The following CCDC171 variants were observed in gnomAD, a reference collection of about 807,000 sequenced individuals.
The protein encoded by CCDC171 is coiled-coil domain containing 171.
Under a neutral mutation model 168.2 loss-of-function variants are expected in CCDC171, and 177 were observed. The observed-to-expected ratio is 1.05, with a 90% CI of 0.93 to 1.19. CCDC171 has a LOEUF of 1.19. Ranked by LOEUF, CCDC171 falls within the 50% of genes most tolerant of loss-of-function variation. The pLI, the probability that CCDC171 is intolerant of heterozygous loss-of-function variation, is 0.00. For missense variants in CCDC171, 1,991 were observed against 1,539.0 expected, an observed-to-expected ratio of 1.29 and a Z score of -4.91; for synonymous variants, 687 against 540.8, an observed-to-expected ratio of 1.27 and a Z score of -3.75.
intron 7 of CCDC171, among the ~76,000 whole-genome samples, chr9:15,627,679 G>C (rs1384552437): frequency 1.3e-5 from 2 of 152,206 alleles, no homozygotes; most frequent in Non-Finnish European, 2.9e-5. Flanking sequence ...TGTGGTCTTA[G>C]AGACAGTTTG....
intron 11 of CCDC171, among the ~76,000 whole-genome samples, chr9:15,705,733 C>G (rs1043047220): frequency 6.6e-6 from 1 of 152,160 alleles, no homozygotes; most frequent in Non-Finnish European, 1.5e-5. Flanking sequence ...GTATATGGAA[C>G]ATTTATTATT....
intron 25 of CCDC171, among the ~76,000 whole-genome samples, chr9:15,950,354 A>G (rs1186439392): frequency 2.0e-5 from 3 of 152,162 alleles, no homozygotes; most frequent in East Asian, 1.9e-4. Flanking sequence ...GAAGGAAAAA[A>G]TGTTAAGGGC....
chr9:16,100,069 C>T, the CCDC171 span, among the ~76,000 whole-genome samples: 1 of 151,770 alleles, frequency 6.6e-6, no homozygotes, highest in Admixed American at 6.6e-5. Context: ...GTAATACCAG[C>T]AAAACCTGAG....
At chr9:15,718,306 G>A (rs1275478203) in intron 11 of CCDC171, among the ~76,000 whole-genome samples, 3 of 152,166 alleles carry the variant, frequency 2.0e-5, no homozygotes, top group African/African-American at 7.2e-5. Flanking sequence ...TTCAGCCTCA[G>A]TAGAATAGAG....
chr9:16,030,014 C>G (rs1056724471), intron 6 of CCDC171, among the ~76,000 whole-genome samples: 4 of 152,146 alleles, frequency 2.6e-5, no homozygotes, highest in African/African-American at 9.7e-5. Flanking sequence ...TTGATAGCAC[C>G]TTTTGTTTGT....
intron 21 of CCDC171, among the ~76,000 whole-genome samples, chr9:15,794,820 G>A (rs2135679912): frequency 6.6e-6 from 1 of 152,324 alleles, no homozygotes; most frequent in Non-Finnish European, 1.5e-5. Context: ...TAAACCCAAT[G>A]TAGTCGTGAT....
intron 14 of CCDC171, 47 bp from the exon 15 acceptor site, chr9:15,727,822 A>C (rs1248868271): frequency 6.8e-7 from 1 of 1,470,144 alleles, no homozygotes; most frequent in East Asian, 2.3e-5. Context: ...TTTACTTCTT[A>C]CAATGTTTAT....
At chr9:15,582,929 TAAA>T (rs556128674) in intron 4 of CCDC171, among the ~76,000 whole-genome samples, 1 of 131,850 alleles carries the variant, frequency 7.6e-6, no homozygotes. Context: ...CTTAAAGTAT[TAAA>T]AAAAAAAAAA....
In CCDC171 at chr9:15,762,593, G is replaced by A. The variant is rs574103203; in HGVS notation, c.2672-15007G>A. Among the ~76,000 whole-genome samples, 12 of 152,266 alleles carry A rather than the reference G, an allele frequency of 7.9e-5. 1 individual carries two copies. In the South Asian group the frequency reaches 2.5e-3, roughly 32 times the overall value. The stretch of plus-strand genomic sequence containing the variant: ...AGCTCTTAATAAAAAGGGATATCAA[G>A]TGATAGAATGAACAACATTCTCAGT... On this transcript the variant is annotated intron_variant, in intron 18 of 25. Transcript: ENST00000380701.
At chr9:16,049,519 T>C (rs1003672637) in intron 1 of CCDC171, among the ~76,000 whole-genome samples, 5 of 152,152 alleles carry the variant, frequency 3.3e-5, no homozygotes, top group African/African-American at 1.2e-4. Context: ...TCTCTGAAGC[T>C]GGCATGGGCT....
At chr9:16,071,245 A>G in the CCDC171 span, among the ~76,000 whole-genome samples, 1 of 152,058 alleles carries the variant, frequency 6.6e-6, no homozygotes, top group East Asian at 1.9e-4. Flanking sequence ...CTGCTAACCA[A>G]GACATCCCCT....
At position 15,705,288 on chromosome 9, in the gene CCDC171, C is replaced by G. The variant is rs531832740; in HGVS notation, c.1318+9951C>G. On this transcript the variant is annotated intron_variant, in intron 11 of 25. Coordinates refer to ENST00000380701, the MANE Select transcript of CCDC171 (RefSeq NM_173550.4). ...CTGTAAAGCTGGACGGAAACTACAACAACAAAAAACCTAAGTTAGAGTGTG... is the reference window on the plus strand; with the variant it reads ...CTGTAAAGCTGGACGGAAACTACAAGAACAAAAAACCTAAGTTAGAGTGTG... Among the ~76,000 whole-genome samples, 223 of 152,270 alleles carry G rather than the reference C, an allele frequency of 1.5e-3. 7 individuals are homozygous for G. In the South Asian group the frequency reaches 0.045, roughly 31 times the overall value.
At chr9:15,590,872 CTCTT>C (rs1239788400) in intron 4 of CCDC171, among the ~76,000 whole-genome samples, 4 of 96,484 alleles carry the variant, frequency 4.1e-5, no homozygotes, top group African/African-American at 1.6e-4. Context: ...CTTTCTTTCT[CTCTT>C]TCTTTTTCTT....
Position 15,647,734 on chromosome 9 carries a change from C to T in CCDC171, c.823-9393C>T, listed in dbSNP as rs144044345. 6.8e-3 allele frequency among the ~76,000 whole-genome samples: 1,036 copies of T among 152,226 alleles called. 7 individuals are homozygous for T. Among genetic ancestry groups the T allele is most frequent in the African/African-American group, 0.024 (1,003 of 41,532 alleles). On this transcript the variant is annotated intron_variant, in intron 7 of 25. Transcript: ENST00000380701. Reference sequence around the variant, plus strand: ...TCCCAAAATACACCAGTAACAGGCTCTGAAATTGAGGCAATAATCAATAGC... The same window carrying T: ...TCCCAAAATACACCAGTAACAGGCTTTGAAATTGAGGCAATAATCAATAGC...
chr9:15,706,381 C>T (rs1732065441), intron 11 of CCDC171, among the ~76,000 whole-genome samples: 1 of 152,066 alleles, frequency 6.6e-6, no homozygotes, highest in South Asian at 2.1e-4. Context: ...TCTCAACCTT[C>T]TGGGCTCAAG....
intron 11 of CCDC171, among the ~76,000 whole-genome samples, chr9:15,696,204 A>G (rs1247438235): frequency 3.3e-5 from 5 of 152,166 alleles, no homozygotes; most frequent in Admixed American, 2.6e-4. Flanking sequence ...TTTGGCAAAT[A>G]AGTTCTTTAG....
rs116642358 is a variant in CCDC171, at chr9:15,988,453, G to C, written n.369-32136G>C. Among the ~76,000 whole-genome samples the C allele has an allele frequency of 5.2e-3, 798 of 152,312 alleles. 5 individuals are homozygous for C. Among genetic ancestry groups the C allele is most frequent in the African/African-American group, 0.019 (782 of 41,574 alleles). On this transcript the variant is annotated intron_variant and non_coding_transcript_variant, in intron 3 of 9. Coordinates refer to the CCDC171 transcript ENST00000486641. Reference sequence around the variant, plus strand: ...TTTCATTTGGAAAAGGCAGTTCCAAGATGGCCGAATAGGAACAGCTCCAGT... The same window carrying C: ...TTTCATTTGGAAAAGGCAGTTCCAACATGGCCGAATAGGAACAGCTCCAGT...
chr9:15,789,459 G>T (rs564019084), intron 21 of CCDC171, among the ~76,000 whole-genome samples: 1 of 152,154 alleles, frequency 6.6e-6, no homozygotes, highest in Non-Finnish European at 1.5e-5. Flanking sequence ...ACCTGAAAGT[G>T]ATAATCAATA....
downstream of CCDC171, among the ~76,000 whole-genome samples, chr9:16,066,023 C>T (rs1564141898): frequency 6.6e-6 from 1 of 152,130 alleles, no homozygotes; most frequent in Non-Finnish European, 1.5e-5. Context: ...GTCTTCTGAT[C>T]CTTGACCCAA....
Sources: gnomAD v4.1 joint callset for allele counts (sites outside exome capture counted in the v4.1 genomes callset) on GRCh38, gnomAD v4.1.1 for gene constraint, MANE v1.5 for transcripts, NCBI Gene and HGNC (gene_info 2026-07-23, HGNC 2026-07-21) for gene names.